The following LEMD2 variants were observed in gnomAD, a reference collection of about 807,000 sequenced individuals.
LEMD2 encodes LEM domain nuclear envelope protein 2.
Under a neutral mutation model 58.8 loss-of-function variants are expected in LEMD2, and 34 were observed. That is an observed-to-expected ratio of 0.58 (90% CI 0.44 to 0.77). LEMD2 has a LOEUF of 0.77. Among genes scored for constraint, LEMD2 ranks in the 30% least tolerant of loss-of-function variants. The pLI is 0.00. For synonymous variants in LEMD2, 298 were observed against 308.9 expected, an observed-to-expected ratio of 0.96 and a Z score of 0.37; for missense variants, 629 against 717.9, an observed-to-expected ratio of 0.88 and a Z score of 1.42.
At chr6:33,780,590 T>C (rs1767543657) in intron 4 of LEMD2, among the ~76,000 whole-genome samples, 1 of 152,182 alleles carries the variant, frequency 6.6e-6, no homozygotes, top group Admixed American at 6.5e-5. Flanking sequence ...CCTCAGTTTC[T>C]TCATCTGTGA....
intron 5 of LEMD2, 24 bp downstream of exon 5, chr6:33,780,076 C>T (rs767170852): frequency 9.6e-6 from 15 of 1,558,384 alleles, no homozygotes; most frequent in African/African-American, 4.1e-5. Context: ...ACCCATGCTG[C>T]GTCGCCACCC....
intron 1 of LEMD2, 49 bp downstream of exon 1, chr6:33,788,332 C>A (rs1314029909): frequency 4.7e-6 from 7 of 1,495,396 alleles, no homozygotes; most frequent in African/African-American, 1.4e-5. Flanking sequence ...GGTCCTCCGG[C>A]GGACACACGC....
chr6:33,775,669 G>A (rs1392472251), intron 8 of LEMD2, among the ~76,000 whole-genome samples: 2 of 152,176 alleles, frequency 1.3e-5, no homozygotes, highest in Non-Finnish European at 2.9e-5. Flanking sequence ...TTGCAGATAG[G>A]GATGATGTTG....
intron 8 of LEMD2, among the ~76,000 whole-genome samples, chr6:33,774,168 C>CTTTTTT (rs11349649): frequency 8.7e-6 from 1 of 115,362 alleles, no homozygotes; most frequent in African/African-American, 3.1e-5. Flanking sequence ...TAGGCACTGA[C>CTTTTTT]TTTTTTTTTT....
intron 1 of LEMD2, among the ~76,000 whole-genome samples, chr6:33,787,807 T>C (rs1767715487): frequency 6.6e-6 from 1 of 152,148 alleles, no homozygotes; most frequent in Non-Finnish European, 1.5e-5. Flanking sequence ...CTACAAGCAA[T>C]GATAAGGGCC....
intron 1 of LEMD2, chr6:33,787,155 AAC>A (rs1162244814): frequency 4.5e-6 from 1 of 223,194 alleles, no homozygotes; most frequent in Non-Finnish European, 9.0e-6. Context: ...TGATATGTTA[AAC>A]AGAGATTAAC....
intron 2 of LEMD2, among the ~76,000 whole-genome samples, chr6:33,785,864 G>C (rs2127382985): frequency 6.6e-6 from 1 of 152,316 alleles, no homozygotes; most frequent in East Asian, 1.9e-4. Context: ...CCCCAACTAT[G>C]ACACACCCGA....
chr6:33,784,610 T>C lies in LEMD2; in HGVS notation c.778-183A>G, dbSNP rs1426308204. On this transcript the variant is annotated intron_variant, in intron 2 of 8. Transcript: ENST00000293760. ...AGGGAGAGAGTTGATAAATATTGGG[T>C]TAACTGCCTGAGAAAGACCCTGGAG... 8.9e-5 allele frequency: 50 copies of C among 560,168 alleles called. 1 individual carries two copies. The South Asian group carries it at 1.1e-3, about 12-fold the overall frequency. The allele number at this position is 560,168 out of a possible 1,614,324, so 34.7% of individuals were successfully genotyped here.
chr6:33,786,901 G>A, intron 1 of LEMD2, 127 bp from the exon 2 acceptor site: 3 of 1,486,488 alleles, frequency 2.0e-6, no homozygotes, highest in African/African-American at 1.4e-5. Context: ...TTAGAAAGAT[G>A]TCATCTAAGG....
rs1767489487 is a variant in LEMD2, at chr6:33,778,479, T to C, written c.1011-92A>G. On this transcript the variant is annotated intron_variant, in intron 5 of 8. Transcript: ENST00000293760. The surrounding 1 kb of genome is among the most constrained non-coding windows in gnomAD (Gnocchi z 4.7). ...TCAAACAGGAGGAAGCGAAGGAAAG[T>C]GGGGACGCAAGGCCTCTACTTGCTT... is the stretch of plus-strand genomic sequence containing the variant. The C allele has an allele frequency of 1.8e-6, 2 of 1,123,238 alleles. No homozygotes were observed. Among genetic ancestry groups the C allele is most frequent in the Admixed American group, 2.8e-5 (1 of 35,200 alleles). The allele number at this position is 1,123,238 out of a possible 1,614,324, so 69.6% of individuals were successfully genotyped here.
At chr6:33,787,011 C>T (rs1767692614) in intron 1 of LEMD2, 1 of 898,348 alleles carries the variant, frequency 1.1e-6, no homozygotes, top group Non-Finnish European at 1.6e-6. Context: ...AAATGATTAG[C>T]TCAAGTTTCT....
chr6:33,783,840 A>G lies in LEMD2; in HGVS notation c.853+512T>C, dbSNP rs142365076. 5.4e-3 allele frequency among the ~76,000 whole-genome samples: 828 copies of G among 152,362 alleles called. 11 individuals are homozygous for G. Among genetic ancestry groups the G allele is most frequent in the African/African-American group, 0.019 (779 of 41,590 alleles). On this transcript the variant is annotated intron_variant, in intron 3 of 8. Transcript: ENST00000293760. Reference sequence around the variant, plus strand: ...GGGAGATGAAGACCCTGAGAGGATCAGGGACTTTGTCCGAGGTCCCACAGC... The same window carrying G: ...GGGAGATGAAGACCCTGAGAGGATCGGGGACTTTGTCCGAGGTCCCACAGC...
intron 3 of LEMD2, among the ~76,000 whole-genome samples, chr6:33,782,428 AACC>A (rs1243823746): frequency 3.3e-5 from 5 of 152,206 alleles, no homozygotes; most frequent in African/African-American, 1.2e-4. Context: ...GGTAGGGCCC[AACC>A]AACACTTCCA....
At chr6:33,780,866 C>G (rs1045788006) in intron 4 of LEMD2, among the ~76,000 whole-genome samples, 2 of 152,232 alleles carry the variant, frequency 1.3e-5, no homozygotes, top group Non-Finnish European at 2.9e-5. Context: ...CCCCACTGCA[C>G]ATGGCGGCCT....
intron 4 of LEMD2, 88 bp downstream of exon 4, chr6:33,780,989 A>C (rs1449390610): frequency 2.2e-6 from 2 of 910,110 alleles, no homozygotes; most frequent in Non-Finnish European, 3.4e-6. Context: ...CAAAGCAAAC[A>C]AAAAACAAAA....
Position 33,788,883 on chromosome 6 carries a change from G to T in LEMD2, c.234C>A (p.Pro78=). Reference sequence around the variant, plus strand: ...GCTCCGCCCGCGGAGAGGCCGCGGCGGGCCGGGCGCGCAGCGGCGCATCCT... The same window carrying T: ...GCTCCGCCCGCGGAGAGGCCGCGGCTGGCCGGGCGCGCAGCGGCGCATCCT... ...LREDAPLRAR[P]AAASPRAEPW... is the part of the protein sequence containing the mutation. Residue 78 remains proline, a synonymous_variant, in exon 1 of 9, where the codon CCC becomes CCA. Coordinates refer to ENST00000293760, the MANE Select transcript of LEMD2 (RefSeq NM_181336.4). 7.3e-7 allele frequency: 1 copy of T among 1,376,148 alleles called. No homozygotes were observed. 85.2% of individuals were successfully genotyped at this position (1,376,148 alleles called of 1,614,324 possible).
Position 33,788,472 on chromosome 6 carries a change from GAGCAGA to G in LEMD2, c.639_644del (p.Leu214_Leu215del), listed in dbSNP as rs1561929047. 1 of 1,559,986 alleles carries G rather than the reference GAGCAGA, an allele frequency of 6.4e-7. No individual in the cohort carries two copies. Among genetic ancestry groups the G allele is most frequent in the East Asian group, 2.4e-5 (1 of 40,862 alleles). ...CGAGCAGTAGCCCTAGGCTGGCCCAGAGCAGAAGCCGAGAGAGCCAGCGCTCCAGCC... is the reference window on the plus strand; with the variant it reads ...CGAGCAGTAGCCCTAGGCTGGCCCAGAGCCGAGAGAGCCAGCGCTCCAGCC... On this transcript the variant is annotated inframe_deletion, in exon 1 of 9. Transcript: ENST00000293760.
chr6:33,774,464 C>G (rs139515587), intron 8 of LEMD2, among the ~76,000 whole-genome samples: 1 of 141,510 alleles, frequency 7.1e-6, no homozygotes, highest in African/African-American at 2.7e-5. Context: ...GGGTCTCGCT[C>G]TGTCACCCGG....
At chr6:33,783,285 G>A (rs910338671) in intron 3 of LEMD2, among the ~76,000 whole-genome samples, 3 of 152,180 alleles carry the variant, frequency 2.0e-5, no homozygotes, top group Non-Finnish European at 4.4e-5. Context: ...TCTCCTCCAA[G>A]TGCTCATGGA....
Sources: allele counts gnomAD v4.1 joint callset (sites outside exome capture counted in the v4.1 genomes callset), GRCh38; gene constraint gnomAD v4.1.1; non-coding constraint Gnocchi (gnomAD v3.1); transcripts MANE v1.5; gene names NCBI Gene and HGNC (gene_info 2026-07-23, HGNC 2026-07-21).